PTPRD: variants seen among roughly 807,000 people sequenced by gnomAD.
PTPRD encodes the protein receptor-type tyrosine-protein phosphatase delta.
Under a neutral mutation model 214.5 loss-of-function variants are expected in PTPRD, and 34 were observed. The ratio of observed to expected loss-of-function variants is 0.16; its 90% confidence interval spans 0.12 to 0.21. The LOEUF (loss-of-function observed/expected upper bound fraction) is 0.21, where lower values mean the gene tolerates loss of function less well. Ranked by LOEUF, PTPRD falls within the 10% of genes least tolerant of loss-of-function variation. PTPRD has a pLI of 1.00. For synonymous variants in PTPRD, 1,128 were observed against 845.7 expected (o/e 1.33, Z -5.79); for missense variants, 2,545 against 2,398.7 (o/e 1.06, Z -1.27).
At chr9:10,105,758 T>C (rs2098622454) in intron 3 of PTPRD, among the ~76,000 whole-genome samples, 2 of 151,772 alleles carry the variant, frequency 1.3e-5, no homozygotes, top group East Asian at 1.9e-4. Context: ...CTGTTCTATT[T>C]TTATTTCAAA....
At chr9:10,185,679 G>C (rs965332710) in intron 3 of PTPRD, among the ~76,000 whole-genome samples, 1 of 152,020 alleles carries the variant, frequency 6.6e-6, no homozygotes, top group African/African-American at 2.4e-5. Flanking sequence ...GTTATCTTCT[G>C]TTTATATCTG....
At chr9:9,208,235 C>T (rs758612034) in intron 9 of PTPRD, among the ~76,000 whole-genome samples, 4 of 151,384 alleles carry the variant, frequency 2.6e-5, no homozygotes, top group Non-Finnish European at 5.9e-5. Flanking sequence ...AGGATGGTCT[C>T]GATCTCCTGA....
chr9:10,091,547 T>C (rs1433067654), intron 3 of PTPRD, among the ~76,000 whole-genome samples: 1 of 151,558 alleles, frequency 6.6e-6, no homozygotes, highest in African/African-American at 2.4e-5. Context: ...TGGATTGGTA[T>C]CACAAAGTCT....
At chr9:8,987,412 G>A (rs2099349950) in intron 11 of PTPRD, among the ~76,000 whole-genome samples, 1 of 152,084 alleles carries the variant, frequency 6.6e-6, no homozygotes, top group East Asian at 1.9e-4. Context: ...CTATGCTAAT[G>A]CAGCTCCATC....
rs1156246864 is a variant in PTPRD at position 9,909,161 on chromosome 9, G to C, written c.-368+29346C>G. Among the ~76,000 whole-genome samples, 6 of 151,824 alleles carry C rather than the reference G, an allele frequency of 4.0e-5. No individual in the cohort carries two copies. In the East Asian group the frequency reaches 5.8e-4, roughly 15 times the overall value. On this transcript the variant is annotated intron_variant, in intron 5 of 45. Transcript: ENST00000381196. The stretch of plus-strand genomic sequence containing the variant: ...TTTTGATTGCTGATATACATATTTT[G>C]TTCATCAAAAATTAAATGAAGCAGC...
chr9:9,159,852 A>T (rs139661234), intron 10 of PTPRD, among the ~76,000 whole-genome samples: 1 of 152,322 alleles, frequency 6.6e-6, no homozygotes, highest in African/African-American at 2.4e-5. Context: ...GCATAGAAAC[A>T]GACACATCGA....
intron 37 of PTPRD, among the ~76,000 whole-genome samples, chr9:8,385,054 A>C (rs1039409703): frequency 6.6e-6 from 1 of 152,246 alleles, no homozygotes; most frequent in African/African-American, 2.4e-5. Context: ...GTTCACACTT[A>C]TAAGGGTTTC....
At chr9:8,420,370 G>T (rs190595713) in intron 35 of PTPRD, among the ~76,000 whole-genome samples, 12 of 152,212 alleles carry the variant, frequency 7.9e-5, no homozygotes, top group African/African-American at 2.9e-4. Context: ...TGTTTCTTAG[G>T]TAGCTAAAAT....
chr9:10,321,845 A>G lies in PTPRD; in HGVS notation c.-545+19118T>C, dbSNP rs555559606. ...AAAACATTACTGAATATCATGGGTA[A>G]ATGTTTCAGTTTTTTTCGGAAGAGG... is the stretch of plus-strand genomic sequence containing the variant. On this transcript the variant is annotated intron_variant, in intron 3 of 45. Transcript: ENST00000381196. Among the ~76,000 whole-genome samples, 142 of 152,130 alleles carry G rather than the reference A, an allele frequency of 9.3e-4. 1 individual carries two copies. The highest frequency in any genetic ancestry group is 3.3e-3 in the African/African-American group (136 of 41,556).
intron 8 of PTPRD, among the ~76,000 whole-genome samples, chr9:9,515,395 C>T (rs893175094): frequency 3.9e-5 from 6 of 151,946 alleles, no homozygotes; most frequent in African/African-American, 1.5e-4. Flanking sequence ...GGCACTATTC[C>T]CAATGCAGAG....
At chr9:9,557,974 C>G (rs1299121031) in intron 8 of PTPRD, among the ~76,000 whole-genome samples, 1 of 152,188 alleles carries the variant, frequency 6.6e-6, no homozygotes, top group African/African-American at 2.4e-5. Context: ...ATCTTGGCTG[C>G]TTGAGCCAGC....
intron 4 of PTPRD, among the ~76,000 whole-genome samples, chr9:9,955,467 G>A (rs1457581308): frequency 6.6e-6 from 1 of 151,288 alleles, no homozygotes; most frequent in African/African-American, 2.4e-5. Context: ...ACTTTACATT[G>A]GCCACAACAT....
intron 8 of PTPRD, among the ~76,000 whole-genome samples, chr9:9,562,830 T>C (rs999179331): frequency 2.5e-4 from 38 of 152,166 alleles, no homozygotes; most frequent in Admixed American, 6.5e-5. Flanking sequence ...TTTTTGTTAT[T>C]TTCTGTAAAA....
At chr9:8,552,289 A>G (rs1037646032) in intron 14 of PTPRD, among the ~76,000 whole-genome samples, 7 of 152,194 alleles carry the variant, frequency 4.6e-5, no homozygotes, top group Non-Finnish European at 1.0e-4. Context: ...GGGAAAAATC[A>G]TTGTATGGTT....
At chr9:8,667,325 G>A (rs1454519071) in intron 12 of PTPRD, among the ~76,000 whole-genome samples, 2 of 152,112 alleles carry the variant, frequency 1.3e-5, no homozygotes, top group Non-Finnish European at 2.9e-5. Flanking sequence ...GGCAACAAGA[G>A]CAAAACGTCG....
intron 10 of PTPRD, among the ~76,000 whole-genome samples, chr9:9,102,047 T>C (rs1423399828): frequency 1.3e-5 from 2 of 152,212 alleles, no homozygotes; most frequent in Non-Finnish European, 2.9e-5. Context: ...TCTGTCAAGA[T>C]AAGAATATAA....
At chr9:8,350,858 C>G (rs1023006545) in intron 39 of PTPRD, among the ~76,000 whole-genome samples, 6 of 151,972 alleles carry the variant, frequency 3.9e-5, no homozygotes, top group Non-Finnish European at 7.4e-5. Context: ...ACACTATATC[C>G]CTATACTAAT....
At chr9:10,241,741 T>C (rs1025837501) in intron 3 of PTPRD, among the ~76,000 whole-genome samples, 9 of 151,952 alleles carry the variant, frequency 5.9e-5, no homozygotes, top group Admixed American at 3.9e-4. Context: ...TTGGGGATGA[T>C]GGATCTGTTT....
chr9:10,405,390 A>C (rs1250752755), intron 2 of PTPRD, among the ~76,000 whole-genome samples: 2 of 151,712 alleles, frequency 1.3e-5, no homozygotes, highest in Admixed American at 6.6e-5. Flanking sequence ...TAACAAGAAA[A>C]GTAAACTTTC....
Sources: gnomAD v4.1 joint callset for allele counts (sites outside exome capture counted in the v4.1 genomes callset) on GRCh38, gnomAD v4.1.1 for gene constraint, MANE v1.5 for transcripts, NCBI Gene and HGNC (gene_info 2026-07-23, HGNC 2026-07-21) for gene names.